The following PC variants were observed in gnomAD, a reference collection of about 807,000 sequenced individuals.
The protein encoded by PC is pyruvate carboxylase, also known as pyruvate carboxylase, mitochondrial.
Under a neutral mutation model 107.8 loss-of-function variants are expected in PC, and 46 were observed. The ratio of observed to expected loss-of-function variants is 0.43; its 90% CI spans 0.34 to 0.55. The LOEUF is 0.55. Ranked by LOEUF, PC falls within the 20% of genes least tolerant of loss-of-function variation. PC has a pLI of 0.04. For missense variants in PC, 1,241 were observed against 1,643.1 expected, an observed-to-expected ratio of 0.76 and a Z score of 4.23; for synonymous variants, 662 against 684.7, an observed-to-expected ratio of 0.97 and a Z score of 0.52.
chr11:66,849,968 T>G lies in PC; in HGVS notation c.2867A>C (p.His956Pro). 1 of 1,613,604 alleles carries G rather than the reference T, an allele frequency of 6.2e-7. No homozygotes were observed. The highest frequency in any genetic ancestry group is 8.5e-7 in the Non-Finnish European group (1 of 1,180,016). Reference sequence around the variant, plus strand: ...GCGAAAGGGTTCGGGGAACCCCCCATGGGGGACACCGATGTAGCCCTGCAG... The same window carrying G: ...GCGAAAGGGTTCGGGGAACCCCCCAGGGGGGACACCGATGTAGCCCTGCAG... ...EFLQGYIGVP[H>P]GGFPEPFRSK... Residue 956 changes from histidine (H) to proline (P), a missense_variant, in exon 20 of 23, where the codon CAT (histidine) becomes CCT (proline). Coordinates refer to ENST00000393960, the MANE Select transcript of PC (RefSeq NM_001040716.2).
Position 66,871,982 on chromosome 11 carries a change from G to C in PC, c.136+42C>G. Reference sequence around the variant, plus strand: ...AGTGGGAGAAGAATGCCAAGGCTGGGGCGGCCATGAGGCTCCTCTCACCGG... The same window carrying C: ...AGTGGGAGAAGAATGCCAAGGCTGGCGCGGCCATGAGGCTCCTCTCACCGG... On this transcript the variant is annotated intron_variant, in intron 4 of 22. Coordinates refer to ENST00000393960, the MANE Select transcript of PC (RefSeq NM_001040716.2). This position sits in a 1 kb window ranked among gnomAD's most constrained non-coding sequence, Gnocchi z 7.4. The C allele has an allele frequency of 6.4e-7, 1 of 1,558,298 alleles. No homozygotes were observed. The highest frequency in any genetic ancestry group is 8.7e-7 in the Non-Finnish European group (1 of 1,151,114).
At chr11:66,903,994 C>T (rs531596723) in intron 3 of PC, among the ~76,000 whole-genome samples, 2 of 151,382 alleles carry the variant, frequency 1.3e-5, no homozygotes, top group Admixed American at 6.6e-5. Context: ...TGCCCAGCTA[C>T]AGACTATAAT....
chr11:66,928,294 GAAGAATTGCT>G (rs1203116537), intron 3 of PC, among the ~76,000 whole-genome samples: 1 of 149,754 alleles, frequency 6.7e-6, no homozygotes, highest in Non-Finnish European at 1.5e-5. Flanking sequence ...GGCTGAGGCA[GAAGAATTGCT>G]TGAGCCCAGG....
intron 3 of PC, among the ~76,000 whole-genome samples, chr11:66,920,980 G>A (rs761404451): frequency 1.1e-4 from 17 of 151,620 alleles, no homozygotes; most frequent in Non-Finnish European, 2.5e-4. Context: ...AGAGGTTGCA[G>A]TGAGCCGAGA....
chr11:66,863,963 G>C lies in PC; in HGVS notation c.1186-7C>G, dbSNP rs759506353. 1.9e-6 allele frequency: 3 copies of C among 1,613,572 alleles called. No individual in the cohort carries two copies. In the South Asian group the frequency reaches 3.3e-5, roughly 18 times the overall value. ...CCTCTCCGCTCCGGAACACCTGTGG[G>C]AAGGGTGAGGCGTGAGGACCTGCGC... is the stretch of plus-strand genomic sequence containing the variant. On this transcript the variant is annotated splice_region_variant and splice_polypyrimidine_tract_variant and intron_variant, in intron 11 of 22. Transcript: ENST00000393960.
chr11:66,939,371 C>T (rs4930397), intron 3 of PC, among the ~76,000 whole-genome samples: 152,286 of 152,306 alleles, frequency 1, 76,133 homozygotes, highest in Non-Finnish European at 1. Flanking sequence ...TTGGAGGATT[C>T]TGGCATCCAT....
At chr11:66,933,874 C>G (rs1024709007) in intron 3 of PC, among the ~76,000 whole-genome samples, 1 of 152,142 alleles carries the variant, frequency 6.6e-6, no homozygotes, top group African/African-American at 2.4e-5. Flanking sequence ...ATCTCAGGGG[C>G]TTCTTATTGT....
intron 3 of PC, among the ~76,000 whole-genome samples, chr11:66,941,549 T>C (rs1949129477): frequency 6.6e-6 from 1 of 152,280 alleles, no homozygotes; most frequent in East Asian, 1.9e-4. Flanking sequence ...TGGAGTGCAG[T>C]GGCGCCATCT....
intron 3 of PC, among the ~76,000 whole-genome samples, chr11:66,938,356 C>A (rs985637600): frequency 3.3e-5 from 5 of 152,062 alleles, no homozygotes; most frequent in African/African-American, 1.2e-4. Flanking sequence ...GGAGGAACAG[C>A]ATTTATGAAG....
Position 66,850,096 on chromosome 11 carries a change from G to T in PC, c.2739C>A (p.Ile913=). 1 of 1,613,698 alleles carries T rather than the reference G, an allele frequency of 6.2e-7. No homozygotes were observed. Among genetic ancestry groups the T allele is most frequent in the Non-Finnish European group, 8.5e-7 (1 of 1,180,032 alleles). ...CCATAAACTGGGCCAGGTCCCCCACGATCTTGGAGGAGGGCGTCACCTGAG... is the reference window on the plus strand; with the variant it reads ...CCATAAACTGGGCCAGGTCCCCCACTATCTTGGAGGAGGGCGTCACCTGAG... The part of the protein sequence containing the change: ...DLIKVTPSSK[I]VGDLAQFMVQ... Residue 913 remains isoleucine, a synonymous_variant, in exon 20 of 23, where the codon ATC becomes ATA. Transcript: ENST00000393960.
intron 3 of PC, among the ~76,000 whole-genome samples, chr11:66,878,311 C>T (rs77310563): frequency 0.044 from 6,768 of 152,298 alleles, 215 homozygotes; most frequent in African/African-American, 0.09. Context: ...GGCACTTACC[C>T]GTGGTTTGTG....
chr11:66,933,863 C>T (rs1013280715), intron 3 of PC, among the ~76,000 whole-genome samples: 5 of 152,168 alleles, frequency 3.3e-5, no homozygotes, highest in African/African-American at 9.7e-5. Flanking sequence ...CTGGCTCAAG[C>T]ATCTCAGGGG....
intron 3 of PC, among the ~76,000 whole-genome samples, chr11:66,875,035 C>T (rs1228200398): frequency 2.6e-5 from 4 of 152,164 alleles, no homozygotes; most frequent in African/African-American, 7.2e-5. Context: ...TGTGAGCCCA[C>T]GGCCTGAGGT....
rs1440670704 is a variant in PC, at chr11:66,944,132, T to C, written c.-1+8298A>G. Among the ~76,000 whole-genome samples, 10 of 111,418 alleles carry C rather than the reference T, an allele frequency of 9.0e-5. 2 individuals are homozygous for C. Among genetic ancestry groups the C allele is most frequent in the African/African-American group, 3.0e-4 (9 of 30,468 alleles). The allele number at this position is 111,418 out of a possible 152,430, so 73.1% of individuals were successfully genotyped here. On this transcript the variant is annotated intron_variant, in intron 3 of 22. Coordinates refer to ENST00000393960, the MANE Select transcript of PC (RefSeq NM_001040716.2). ...CCGTCTCCAATAAAAATACAAAAAA[T>C]TAGCCGGGTGTGATGGTGGGCGCCT...
intron 3 of PC, among the ~76,000 whole-genome samples, chr11:66,887,291 A>G (rs1449100222): frequency 6.6e-6 from 1 of 152,180 alleles, no homozygotes; most frequent in Non-Finnish European, 1.5e-5. Context: ...CCACCACCAG[A>G]TATTTGAGGA....
chr11:66,937,591 C>T (rs535814919), intron 3 of PC, among the ~76,000 whole-genome samples: 5 of 152,102 alleles, frequency 3.3e-5, no homozygotes, highest in Admixed American at 6.6e-5. Context: ...ATTTGTGTGA[C>T]GGTGCACCAT....
chr11:66,936,448 G>A (rs957129455), intron 3 of PC, among the ~76,000 whole-genome samples: 1 of 152,182 alleles, frequency 6.6e-6, no homozygotes, highest in African/African-American at 2.4e-5. Flanking sequence ...GGGCAGGGGA[G>A]AGGCCACCAA....
chr11:66,927,844 C>A (rs1441999113), intron 3 of PC, among the ~76,000 whole-genome samples: 1 of 151,508 alleles, frequency 6.6e-6, no homozygotes, highest in East Asian at 1.9e-4. Context: ...AGCCTGGAGA[C>A]TAGATCATGG....
chr11:66,918,967 C>A (rs1476117593), intron 3 of PC, among the ~76,000 whole-genome samples: 1 of 152,064 alleles, frequency 6.6e-6, no homozygotes, highest in African/African-American at 2.4e-5. Flanking sequence ...AAACCAAGCC[C>A]CGTCAAGTTT....
Sources: allele counts gnomAD v4.1 joint callset (sites outside exome capture counted in the v4.1 genomes callset), GRCh38; gene constraint gnomAD v4.1.1; non-coding constraint Gnocchi (gnomAD v3.1); transcripts MANE v1.5; gene names NCBI Gene and HGNC (gene_info 2026-07-23, HGNC 2026-07-21).